AFG2B: variants seen among roughly 807,000 people sequenced by gnomAD.
AFG2B encodes the protein AAA ATPase AFG2B, also known as ATPase family gene 2 protein homolog B.
the AFG2B span, among the ~76,000 whole-genome samples, chr15:45,412,803 A>G: frequency 3.9e-5 from 6 of 152,296 alleles, no homozygotes; most frequent in East Asian, 1.2e-3. Flanking sequence ...CTGATAGTGG[A>G]TTTCACAGTG....
chr15:45,418,605 C>T, the AFG2B span: 10 of 1,613,948 alleles, frequency 6.2e-6, no homozygotes, highest in Non-Finnish European at 8.5e-6. Flanking sequence ...GCCAATAGGG[C>T]CTGATGTCTC....
chr15:45,402,558 G>T, the AFG2B span: 1 of 1,584,754 alleles, frequency 6.3e-7, no homozygotes, highest in African/African-American at 1.3e-5. Flanking sequence ...GCGCGCGCTT[G>T]GGCTCGGCAG....
the AFG2B span, chr15:45,402,636 C>T: frequency 6.3e-7 from 1 of 1,577,646 alleles, no homozygotes; most frequent in Non-Finnish European, 8.6e-7. Flanking sequence ...ACGGAGCGGA[C>T]GGCTTTGTGC....
At chr15:45,412,333 T>C in the AFG2B span, among the ~76,000 whole-genome samples, 1 of 151,930 alleles carries the variant, frequency 6.6e-6, no homozygotes, top group South Asian at 2.1e-4. Context: ...CCTAAGAGGC[T>C]GAGGTTGCAG....
the AFG2B span, among the ~76,000 whole-genome samples, chr15:45,404,073 AG>A: frequency 1.3e-5 from 2 of 152,182 alleles, no homozygotes; most frequent in African/African-American, 4.8e-5. Flanking sequence ...CTGAGTTGTC[AG>A]GGAGGTTGAA....
At chr15:45,417,549 T>C in the AFG2B span, 4 of 683,172 alleles carry the variant, frequency 5.9e-6, no homozygotes, top group Admixed American at 3.1e-5. Flanking sequence ...TCTTCCTTTG[T>C]TGGATACTCT....
chr15:45,406,178 T>A, the AFG2B span, among the ~76,000 whole-genome samples: 3 of 152,214 alleles, frequency 2.0e-5, no homozygotes, highest in Admixed American at 2.0e-4. Flanking sequence ...CATAACTTTT[T>A]AAGAGTCAGT....
At chr15:45,407,001 T>G in the AFG2B span, 1 of 1,287,000 alleles carries the variant, frequency 7.8e-7, no homozygotes, top group African/African-American at 1.5e-5. Context: ...AAGGGAGATT[T>G]ACATTCAGGA....
chr15:45,403,242 G>T, the AFG2B span: 13 of 1,552,450 alleles, frequency 8.4e-6, no homozygotes, highest in Non-Finnish European at 1.0e-5. Flanking sequence ...CGGCGCTGCA[G>T]GGTTCCCGGC....
the AFG2B span, among the ~76,000 whole-genome samples, chr15:45,420,821 G>A: frequency 6.6e-6 from 1 of 152,050 alleles, no homozygotes; most frequent in Admixed American, 6.6e-5. Context: ...GTGAAACCCT[G>A]TCTCTACTAA....
the AFG2B span, among the ~76,000 whole-genome samples, chr15:45,413,424 A>C: frequency 6.6e-6 from 1 of 152,164 alleles, no homozygotes; most frequent in Admixed American, 6.6e-5. Context: ...CTCTGCCCCC[A>C]CACTTGGATT....
the AFG2B span, chr15:45,410,334 T>G: frequency 1.3e-6 from 2 of 1,594,458 alleles, no homozygotes; most frequent in South Asian, 2.3e-5. Flanking sequence ...CAACCTAATT[T>G]TTGGTTTGAT....
At chr15:45,415,267 C>A in the AFG2B span, among the ~76,000 whole-genome samples, 1 of 151,980 alleles carries the variant, frequency 6.6e-6, no homozygotes, top group South Asian at 2.1e-4. Flanking sequence ...GAGGCCAAGG[C>A]GGGTGAATAA....
the AFG2B span, chr15:45,417,440 T>C: frequency 6.2e-7 from 1 of 1,606,222 alleles, no homozygotes; most frequent in South Asian, 1.1e-5. Context: ...CTCAGCAGAA[T>C]TGAATTCCAA....
At chr15:45,421,094 C>T in the AFG2B span, 1 of 1,613,574 alleles carries the variant, frequency 6.2e-7, no homozygotes, top group Non-Finnish European at 8.5e-7. Context: ...TACAGTGAAA[C>T]AAGAGCACTT....
chr15:45,412,870 T>G, the AFG2B span, among the ~76,000 whole-genome samples: 1 of 152,200 alleles, frequency 6.6e-6, no homozygotes, highest in African/African-American at 2.4e-5. Context: ...TTTCAGAAAT[T>G]GATTTTGCCA....
the AFG2B span, among the ~76,000 whole-genome samples, chr15:45,409,075 A>G: frequency 1.3e-5 from 2 of 152,104 alleles, no homozygotes; most frequent in African/African-American, 4.8e-5. Context: ...ATTGGCAGAC[A>G]TTTAAGAGTT....
the AFG2B span, chr15:45,403,647 A>G: frequency 8.5e-7 from 1 of 1,182,354 alleles, no homozygotes; most frequent in South Asian, 1.4e-5. Context: ...GGCTCTTTGC[A>G]ATGCAGAGAA....
At chr15:45,408,349 C>G in the AFG2B span, among the ~76,000 whole-genome samples, 46 of 152,144 alleles carry the variant, frequency 3.0e-4, no homozygotes, top group African/African-American at 1.1e-3. Context: ...TCTCCTTGCT[C>G]CCTCTCCTCT....
Sources: gnomAD v4.1 joint callset for allele counts (sites outside exome capture counted in the v4.1 genomes callset) on GRCh38, gnomAD v4.1.1 for gene constraint, MANE v1.5 for transcripts, NCBI Gene and HGNC (gene_info 2026-07-23, HGNC 2026-07-21) for gene names.